The following SLC66A3 variants were observed in gnomAD, a reference collection of about 807,000 sequenced individuals.
SLC66A3 encodes solute carrier family 66 member 3, also known as PQ loop repeat containing 3.
A neutral mutation model predicts 25.5 loss-of-function variants in SLC66A3; 23 were observed. That is an observed-to-expected ratio of 0.90 (90% CI 0.65 to 1.28). The LOEUF (loss-of-function observed/expected upper bound fraction) is 1.28. Among genes scored for constraint, SLC66A3 ranks in the 50% most tolerant of loss-of-function variants. SLC66A3 has a pLI of 0.00. For missense variants in SLC66A3, 246 were observed against 262.1 expected (o/e 0.94, Z 0.42); for synonymous variants, 108 against 112.6 (o/e 0.96, Z 0.26).
At chr2:11,157,847 G>A (rs924772857) in intron 1 of SLC66A3, among the ~76,000 whole-genome samples, 2 of 152,176 alleles carry the variant, frequency 1.3e-5, no homozygotes, top group African/African-American at 4.8e-5. Flanking sequence ...TCCCAACCTT[G>A]CTGCTTCTCC....
chr2:11,174,487 G>A (rs1345528476), intron 5 of SLC66A3, among the ~76,000 whole-genome samples: 1 of 152,052 alleles, frequency 6.6e-6, no homozygotes, highest in East Asian at 1.9e-4. Context: ...ATGCATGGCT[G>A]TTTTTTGTTT....
chr2:11,169,835 CTCTTT>C (rs1266925784), intron 4 of SLC66A3, among the ~76,000 whole-genome samples: 9 of 85,142 alleles, frequency 1.1e-4, no homozygotes, highest in African/African-American at 2.7e-4. Context: ...CTGGATTTCT[CTCTTT>C]TTTTTTTTTT....
chr2:11,163,414 G>A (rs1302409422), intron 3 of SLC66A3, among the ~76,000 whole-genome samples: 2 of 152,206 alleles, frequency 1.3e-5, no homozygotes, highest in African/African-American at 4.8e-5. Context: ...CTACCTTCTG[G>A]TGTTGATCAG....
chr2:11,167,786 CA>C, intron 4 of SLC66A3, among the ~76,000 whole-genome samples: 1 of 152,206 alleles, frequency 6.6e-6, no homozygotes, highest in East Asian at 1.9e-4. Context: ...CACATGGTAG[CA>C]AAACCCCAGA....
At chr2:11,161,021 C>T (rs1046991454) in intron 3 of SLC66A3, among the ~76,000 whole-genome samples, 2 of 152,104 alleles carry the variant, frequency 1.3e-5, no homozygotes, top group Non-Finnish European at 2.9e-5. Context: ...TAATGTCCTC[C>T]GAGGATTGGA....
Position 11,155,630 on chromosome 2 carries a change from G to GCTA in SLC66A3, c.85_87dup (p.Leu29dup), listed in dbSNP as rs769417304. 1 of 1,518,622 alleles carries GCTA rather than the reference G, an allele frequency of 6.6e-7. No homozygotes were observed. The highest frequency in any genetic ancestry group is 1.2e-5 in the South Asian group (1 of 81,818). 94.1% of individuals were successfully genotyped at this position (1,518,622 alleles called of 1,614,324 possible). On this transcript the variant is annotated inframe_insertion, in exon 1 of 7. Transcript: ENST00000295083. ...TGAAGCTGCCGCAGATCTCCGCTGTGCTAGCGGCGCGCAGCGCGCGGGGCC... is the reference window on the plus strand; with the variant it reads ...TGAAGCTGCCGCAGATCTCCGCTGTGCTACTAGCGGCGCGCAGCGCGCGGGGCC...
At chr2:11,161,053 C>T (rs140770529) in intron 3 of SLC66A3, among the ~76,000 whole-genome samples, 41 of 152,238 alleles carry the variant, frequency 2.7e-4, no homozygotes, top group African/African-American at 8.9e-4. Context: ...TGAGAGTATC[C>T]GGCGCCTCTC....
At chr2:11,157,655 T>G (rs79836825) in intron 1 of SLC66A3, among the ~76,000 whole-genome samples, 3,317 of 152,330 alleles carry the variant, frequency 0.022, 132 homozygotes, top group African/African-American at 0.076. Flanking sequence ...GGGTCTCCAT[T>G]TGAGCAAACT....
At chr2:11,156,797 G>C (rs558891858) in intron 1 of SLC66A3, among the ~76,000 whole-genome samples, 29 of 152,302 alleles carry the variant, frequency 1.9e-4, no homozygotes, top group Admixed American at 1.8e-3. Context: ...GGGGTCCCAG[G>C]CTGGATGGCA....
intron 4 of SLC66A3, among the ~76,000 whole-genome samples, chr2:11,164,681 G>GCGGCCTTC (rs1410659986): frequency 3.3e-5 from 5 of 151,316 alleles, no homozygotes; most frequent in East Asian, 3.9e-4. Flanking sequence ...AGAGGACCCT[G>GCGGCCTTC]CGGCCTTCCG....
chr2:11,177,666 A>G (rs944553544), intron 6 of SLC66A3, 71 bp from the exon 7 acceptor site: 2 of 928,340 alleles, frequency 2.2e-6, no homozygotes, highest in Non-Finnish European at 3.4e-6. Flanking sequence ...TTAGGCTTAT[A>G]CTTTGAGCAG....
At chr2:11,172,376 T>C (rs1662586331) in intron 5 of SLC66A3, among the ~76,000 whole-genome samples, 1 of 152,184 alleles carries the variant, frequency 6.6e-6, no homozygotes, top group South Asian at 2.1e-4. Flanking sequence ...TCTTAAGAAT[T>C]TGAATATAAC....
chr2:11,160,716 C>A, intron 3 of SLC66A3, 22 bp downstream of exon 3: 1 of 1,613,188 alleles, frequency 6.2e-7, no homozygotes, highest in Non-Finnish European at 8.5e-7. Flanking sequence ...GAATCTGAGC[C>A]AGAAGTGGGA....
chr2:11,177,088 A>T (rs922895443), intron 6 of SLC66A3, among the ~76,000 whole-genome samples: 1 of 152,110 alleles, frequency 6.6e-6, no homozygotes, highest in African/African-American at 2.4e-5. Flanking sequence ...ATGTTAAACC[A>T]CCCTTGCTTA....
intron 6 of SLC66A3, among the ~76,000 whole-genome samples, chr2:11,175,754 G>A (rs1284149991): frequency 6.6e-6 from 1 of 152,194 alleles, no homozygotes; most frequent in Non-Finnish European, 1.5e-5. Context: ...TAATTCCTTA[G>A]GCTGTTTTCA....
chr2:11,163,114 C>T (rs1053247368), intron 3 of SLC66A3, among the ~76,000 whole-genome samples: 3 of 152,178 alleles, frequency 2.0e-5, no homozygotes, highest in African/African-American at 7.2e-5. Flanking sequence ...TGTGTGGTGT[C>T]TCATACCTGT....
intron 1 of SLC66A3, among the ~76,000 whole-genome samples, chr2:11,158,463 C>G (rs574412022): frequency 3.3e-5 from 5 of 152,340 alleles, no homozygotes; most frequent in African/African-American, 1.2e-4. Context: ...GAGATCAAGA[C>G]CATCCTGGCT....
In SLC66A3 at chr2:11,177,830, G is replaced by GTGT; in HGVS notation, c.*2_*3insTGT. The GTGT allele has an allele frequency of 1.3e-6, 2 of 1,559,756 alleles. No homozygotes were observed. The highest frequency in any genetic ancestry group is 1.8e-6 in the Non-Finnish European group (2 of 1,131,710). ...AAGACCGCTATAAAGGCTGAATGAT[G>GTGT]GATACATTATTCCTTCACACAGTGG... On this transcript the variant is annotated 3_prime_UTR_variant, in exon 7 of 7. Coordinates refer to ENST00000295083, the MANE Select transcript of SLC66A3 (RefSeq NM_152391.5).
At chr2:11,166,435 A>AT (rs529018231) in intron 4 of SLC66A3, among the ~76,000 whole-genome samples, 160 of 152,340 alleles carry the variant, frequency 1.1e-3, no homozygotes, top group African/African-American at 3.7e-3. Context: ...TGCCACACGC[A>AT]GACTCATGAA....
Sources: gnomAD v4.1 joint callset for allele counts (sites outside exome capture counted in the v4.1 genomes callset) on GRCh38, gnomAD v4.1.1 for gene constraint, MANE v1.5 for transcripts, NCBI Gene and HGNC (gene_info 2026-07-23, HGNC 2026-07-21) for gene names.